PRKCQ: variants seen among roughly 807,000 people sequenced by gnomAD.
PRKCQ encodes protein kinase C theta type.
In PRKCQ, 41 loss-of-function variants were observed where a neutral mutation model predicts 91.2. The ratio of observed to expected loss-of-function variants is 0.45; its 90% CI spans 0.35 to 0.58. The LOEUF is 0.58. Among genes scored for constraint, PRKCQ ranks in the 20% least tolerant of loss-of-function variants. The probability of loss-of-function intolerance (pLI) is 0.00; values close to 1 mark genes in which losing one functional copy is unlikely to be tolerated. For missense variants in PRKCQ, 673 were observed against 896.5 expected, an observed-to-expected ratio of 0.75 and a Z score of 3.18; for synonymous variants, 307 against 316.9, an observed-to-expected ratio of 0.97 and a Z score of 0.33.
chr10:6,431,078 T>G (rs1259291962), intron 16 of PRKCQ, 140 bp from the exon 17 acceptor site: 3 of 1,144,446 alleles, frequency 2.6e-6, no homozygotes, highest in Non-Finnish European at 3.6e-6. Context: ...CTGACTAAAG[T>G]CAACCTGTCC....
At chr10:6,472,066 T>C (rs1428903019) in intron 12 of PRKCQ, among the ~76,000 whole-genome samples, 2 of 152,092 alleles carry the variant, frequency 1.3e-5, no homozygotes, top group African/African-American at 4.8e-5. Flanking sequence ...CCTAGCACTC[T>C]GGGAGGCCGA....
chr10:6,525,426 T>C (rs1839164748), intron 1 of PRKCQ, among the ~76,000 whole-genome samples: 1 of 152,112 alleles, frequency 6.6e-6, no homozygotes, highest in Non-Finnish European at 1.5e-5. Flanking sequence ...AAAAATACTT[T>C]TTAAAAAAAC....
chr10:6,504,412 C>G (rs377010673), intron 4 of PRKCQ, among the ~76,000 whole-genome samples: 2 of 152,226 alleles, frequency 1.3e-5, no homozygotes, highest in South Asian at 4.1e-4. Flanking sequence ...GCCTGCTGGT[C>G]TACCTAGGCT....
intron 3 of PRKCQ, 151 bp from the exon 4 acceptor site, chr10:6,507,647 C>A: frequency 1.5e-6 from 1 of 674,342 alleles, no homozygotes; most frequent in South Asian, 1.9e-5. Context: ...TGTCATCAGA[C>A]GACTGTAGCA....
At chr10:6,407,396 G>A in the PRKCQ span, among the ~76,000 whole-genome samples, 6 of 151,560 alleles carry the variant, frequency 4.0e-5, no homozygotes, top group African/African-American at 1.4e-4. The surrounding 1 kb of genome is among the most constrained non-coding windows in gnomAD (Gnocchi z 4.0). Flanking sequence ...CTTGTGTCGG[G>A]CCCAGAAGCA....
chr10:6,459,414 G>C (rs1835199771), intron 14 of PRKCQ, among the ~76,000 whole-genome samples: 1 of 152,086 alleles, frequency 6.6e-6, no homozygotes, highest in Non-Finnish European at 1.5e-5. Context: ...GCTTGACAAA[G>C]ACCTGCACAT....
chr10:6,413,474 TCACACACA>T, the PRKCQ span, among the ~76,000 whole-genome samples: 35,421 of 119,222 alleles, frequency 0.3, 6,324 homozygotes, highest in African/African-American at 0.4. Context: ...AAAAATTATG[TCACACACA>T]CACACACACA....
chr10:6,517,907 T>C (rs1293621985), intron 1 of PRKCQ, among the ~76,000 whole-genome samples: 1 of 152,180 alleles, frequency 6.6e-6, no homozygotes, highest in East Asian at 1.9e-4. Context: ...ACAAAAATCA[T>C]AGTTCCAACT....
chr10:6,553,758 C>T (rs1446908907), intron 1 of PRKCQ, among the ~76,000 whole-genome samples: 2 of 152,162 alleles, frequency 1.3e-5, no homozygotes, highest in African/African-American at 2.4e-5. Context: ...ATATCTTCAA[C>T]TTTGGCAGTT....
At chr10:6,542,678 G>T (rs1839816620) in intron 1 of PRKCQ, among the ~76,000 whole-genome samples, 1 of 152,130 alleles carries the variant, frequency 6.6e-6, no homozygotes, top group Non-Finnish European at 1.5e-5. Context: ...CTCCGTGTTA[G>T]ATTCTAGCAC....
At chr10:6,501,470 G>A (rs1309717820) in intron 4 of PRKCQ, among the ~76,000 whole-genome samples, 2 of 151,970 alleles carry the variant, frequency 1.3e-5, no homozygotes, top group Non-Finnish European at 2.9e-5. Flanking sequence ...TGAGGCAGAG[G>A]AGCAGGAGGA....
rs149150327 is a variant in PRKCQ at position 6,485,844 on chromosome 10, T to C, written c.900+191A>G. 1.9e-3 allele frequency among the ~76,000 whole-genome samples: 296 copies of C among 152,342 alleles called. 2 individuals are homozygous for C. Among genetic ancestry groups the C allele is most frequent in the Middle Eastern group, 3.4e-3 (1 of 294 alleles). On this transcript the variant is annotated intron_variant, in intron 9 of 17. Transcript: ENST00000263125. ...TAAGATTTTATAAAGATCTGCATAATACAAATGCATTAAATAAATATCTCA... is the reference window on the plus strand; with the variant it reads ...TAAGATTTTATAAAGATCTGCATAACACAAATGCATTAAATAAATATCTCA...
chr10:6,404,536 C>CCCTT, the PRKCQ span, among the ~76,000 whole-genome samples: 5 of 145,820 alleles, frequency 3.4e-5, no homozygotes, highest in East Asian at 1.0e-3. Flanking sequence ...TTCCTTCCTT[C>CCCTT]CCTTCCTTCC....
chr10:6,497,448 TA>T lies in PRKCQ; in HGVS notation c.543-198del, dbSNP rs1352912111. On this transcript the variant is annotated intron_variant, in intron 5 of 17. Coordinates refer to ENST00000263125, the MANE Select transcript of PRKCQ (RefSeq NM_006257.5). This position sits in a 1 kb window ranked among gnomAD's most constrained non-coding sequence, Gnocchi z 4.5. ...GCTGCGTTTTAAAAAGTTTGATAATTAAATAAATGAGAACTGGCTGATTTAT... is the reference window on the plus strand; with the variant it reads ...GCTGCGTTTTAAAAAGTTTGATAATTAATAAATGAGAACTGGCTGATTTAT... 6.6e-6 allele frequency among the ~76,000 whole-genome samples: 1 copy of T among 152,164 alleles called. No homozygotes were observed. The highest frequency in any genetic ancestry group is 1.5e-5 in the Non-Finnish European group (1 of 68,032).
rs1343776061 is a variant in PRKCQ at position 6,515,027 on chromosome 10, C to G, written c.109G>C (p.Val37Leu). ...PYCAVLVKEY[V>L]ESENGQMYIQ... Reference sequence around the variant, plus strand: ...ATCCCCTCAAGCTTACCTGATTCGACATACTCTTTGACGAGCACAGCACAG... The same window carrying G: ...ATCCCCTCAAGCTTACCTGATTCGAGATACTCTTTGACGAGCACAGCACAG... Residue 37 changes from valine (V) to leucine (L), a missense_variant, in exon 2 of 18, where the codon GTC becomes CTC. Coordinates refer to ENST00000263125, the MANE Select transcript of PRKCQ (RefSeq NM_006257.5). The G allele has an allele frequency of 1.2e-6, 2 of 1,613,656 alleles. No individual in the cohort carries two copies. The highest frequency in any genetic ancestry group is 8.5e-7 in the Non-Finnish European group (1 of 1,179,968).
intron 16 of PRKCQ, among the ~76,000 whole-genome samples, chr10:6,437,599 C>A (rs1338005119): frequency 6.6e-6 from 1 of 152,138 alleles, no homozygotes; most frequent in African/African-American, 2.4e-5. Flanking sequence ...TTGAACCTGC[C>A]TTTATATAAA....
the PRKCQ span, among the ~76,000 whole-genome samples, chr10:6,409,201 G>A: frequency 1.3e-5 from 2 of 152,228 alleles, no homozygotes; most frequent in African/African-American, 4.8e-5. Context: ...AAATCTGGAT[G>A]TATGTTGCTT....
At position 6,447,942 on chromosome 10, in the gene PRKCQ, G is replaced by T. The variant is rs150533120; in HGVS notation, c.1648-5861C>A. ...GAGAACACAGCTCCAGTTTTGTTTGGTTTTTGAGGGCAAAAGGGGCAATGG... is the reference window on the plus strand; with the variant it reads ...GAGAACACAGCTCCAGTTTTGTTTGTTTTTTGAGGGCAAAAGGGGCAATGG... On this transcript the variant is annotated intron_variant, in intron 15 of 17. Coordinates refer to ENST00000263125, the MANE Select transcript of PRKCQ (RefSeq NM_006257.5). Among the ~76,000 whole-genome samples, 8 of 152,292 alleles carry T rather than the reference G, an allele frequency of 5.3e-5. No homozygotes were observed. In the South Asian group the frequency reaches 1.4e-3, roughly 28 times the overall value.
At chr10:6,568,895 GA>G (rs1271613543) in intron 1 of PRKCQ, among the ~76,000 whole-genome samples, 6 of 152,120 alleles carry the variant, frequency 3.9e-5, no homozygotes, top group Non-Finnish European at 7.4e-5. Context: ...GACAAGGGGA[GA>G]TGGAGTCTTT....
Sources: allele counts gnomAD v4.1 joint callset (sites outside exome capture counted in the v4.1 genomes callset), GRCh38; gene constraint gnomAD v4.1.1; non-coding constraint Gnocchi (gnomAD v3.1); transcripts MANE v1.5; gene names NCBI Gene and HGNC (gene_info 2026-07-23, HGNC 2026-07-21).